TMTC4: variants seen among roughly 807,000 people sequenced by gnomAD.
The protein encoded by TMTC4 is transmembrane O-mannosyltransferase targeting cadherins 4.
Under a neutral mutation model 86.0 loss-of-function variants are expected in TMTC4, and 65 were observed. The observed-to-expected ratio is 0.76, with a 90% CI of 0.62 to 0.93. TMTC4 has a LOEUF of 0.93. Ranked by LOEUF, TMTC4 falls within the 40% of genes least tolerant of loss-of-function variation. TMTC4 has a pLI of 0.00. For synonymous variants in TMTC4, 379 were observed against 382.5 expected (o/e 0.99, Z 0.11); for missense variants, 866 against 948.1 (o/e 0.91, Z 1.14).
intron 5 of TMTC4, among the ~76,000 whole-genome samples, chr13:100,660,653 C>G (rs1885662564): frequency 7.4e-6 from 1 of 135,348 alleles, no homozygotes; most frequent in Admixed American, 7.9e-5. Context: ...GTTTTTAAAG[C>G]TGGATTTTTT....
chr13:100,608,560 C>T (rs1877031793), intron 17 of TMTC4, among the ~76,000 whole-genome samples: 1 of 152,124 alleles, frequency 6.6e-6, no homozygotes, highest in Admixed American at 6.6e-5. Context: ...CGGGGGCAGC[C>T]CCTGGGCCTG....
intron 1 of TMTC4, among the ~76,000 whole-genome samples, chr13:100,671,137 T>G (rs142266296): frequency 2.0e-4 from 30 of 152,370 alleles, no homozygotes; most frequent in Non-Finnish European, 3.2e-4. Flanking sequence ...GTTATCTGTT[T>G]TATTGTTTCA....
intron 15 of TMTC4, among the ~76,000 whole-genome samples, chr13:100,624,636 G>A (rs1880168503): frequency 6.6e-6 from 1 of 152,156 alleles, no homozygotes; most frequent in Non-Finnish European, 1.5e-5. Context: ...TAAAACGAGG[G>A]CAGCAGACAT....
At chr13:100,608,956 A>G (rs1566554897) in intron 17 of TMTC4, among the ~76,000 whole-genome samples, 1 of 152,236 alleles carries the variant, frequency 6.6e-6, no homozygotes, top group African/African-American at 2.4e-5. Context: ...TAGGCGAGGA[A>G]GCCTGGGTGG....
At chr13:100,621,956 C>G (rs111963973) in intron 15 of TMTC4, among the ~76,000 whole-genome samples, 1 of 152,118 alleles carries the variant, frequency 6.6e-6, no homozygotes, top group Non-Finnish European at 1.5e-5. Flanking sequence ...TTGAAGTCAC[C>G]ACTCGTAACA....
chr13:100,640,644 C>A (rs1349097757), intron 7 of TMTC4, among the ~76,000 whole-genome samples: 28 of 151,986 alleles, frequency 1.8e-4, no homozygotes, highest in Non-Finnish European at 1.5e-5. Context: ...CACAGGGAGA[C>A]CCCATCTCCA....
Position 100,634,974 on chromosome 13 carries a change from G to C in TMTC4, c.1375-38C>G, listed in dbSNP as rs775586762. On this transcript the variant is annotated intron_variant, in intron 11 of 18. Transcript: ENST00000342624. ...AAGACATGGTAATTGTCACCAGTGA[G>C]ATGCATCCGGTCATTCTGTTCATCA... 5 of 1,610,752 alleles carry C rather than the reference G, an allele frequency of 3.1e-6. No individual in the cohort carries two copies. In the South Asian group the frequency reaches 4.4e-5, roughly 14 times the overall value.
intron 15 of TMTC4, among the ~76,000 whole-genome samples, chr13:100,621,714 C>T (rs1016084243): frequency 3.3e-5 from 5 of 152,190 alleles, no homozygotes; most frequent in East Asian, 1.9e-4. Context: ...CGTGAGCCAC[C>T]GCGCCCAACC....
At chr13:100,658,116 C>T (rs1009347800) in intron 5 of TMTC4, among the ~76,000 whole-genome samples, 1 of 152,090 alleles carries the variant, frequency 6.6e-6, no homozygotes, top group African/African-American at 2.4e-5. Context: ...ATGCAATGAG[C>T]GCTCTGGAAT....
At chr13:100,619,174 C>T (rs1465383876) in intron 15 of TMTC4, among the ~76,000 whole-genome samples, 1 of 143,498 alleles carries the variant, frequency 7.0e-6, no homozygotes, top group Non-Finnish European at 1.5e-5. Context: ...GGGGGCTGAC[C>T]CCCCCACCTC....
chr13:100,635,192 G>T lies in TMTC4; in HGVS notation c.1206C>A (p.Ile402=). ...LCSEDGHKRR[I]LTLGLGFLVI... is the part of the protein sequence containing the mutation. Reference sequence around the variant, plus strand: ...CGAGAAATCCCAGGCCCAGAGTAAGGATCCTGGATGATGAAAAGTATTTAA... The same window carrying T: ...CGAGAAATCCCAGGCCCAGAGTAAGTATCCTGGATGATGAAAAGTATTTAA... Residue 402 remains isoleucine, a synonymous_variant, in exon 11 of 19, where the codon ATC becomes ATA. Coordinates refer to ENST00000342624, the MANE Select transcript of TMTC4 (RefSeq NM_032813.5). 1 of 1,580,120 alleles carries T rather than the reference G, an allele frequency of 6.3e-7. No homozygotes were observed. Among genetic ancestry groups the T allele is most frequent in the Admixed American group, 1.9e-5 (1 of 51,582 alleles).
In TMTC4 at chr13:100,664,201, C is replaced by A; in HGVS notation, c.335+20G>T. 6.3e-7 allele frequency: 1 copy of A among 1,589,948 alleles called. No homozygotes were observed. Among genetic ancestry groups the A allele is most frequent in the African/African-American group, 1.3e-5 (1 of 74,264 alleles). The stretch of plus-strand genomic sequence containing the variant: ...CAAGCTGGGAGGGACCTTCCCAGGC[C>A]CTTCAATGTCACAGCTTACCTGAAA... On this transcript the variant is annotated intron_variant, in intron 4 of 18. Transcript: ENST00000342624.
intron 16 of TMTC4, among the ~76,000 whole-genome samples, chr13:100,613,559 C>T (rs1203869066): frequency 6.6e-6 from 1 of 152,104 alleles, no homozygotes; most frequent in East Asian, 1.9e-4. Context: ...CTAGTACTAT[C>T]CATGTCATTA....
In TMTC4 at chr13:100,642,348, G is replaced by A. The variant is rs368915568; in HGVS notation, c.641-37C>T. 4.4e-6 allele frequency: 7 copies of A among 1,607,604 alleles called. No homozygotes were observed. In the Admixed American group the frequency reaches 5.1e-5, roughly 12 times the overall value. ...GAGAAATGATCAGTGCAAAAGTCATGGAATGCAGCTCAGTTTTTTAGCATC... is the reference window on the plus strand; with the variant it reads ...GAGAAATGATCAGTGCAAAAGTCATAGAATGCAGCTCAGTTTTTTAGCATC... On this transcript the variant is annotated intron_variant, in intron 6 of 18. Coordinates refer to ENST00000342624, the MANE Select transcript of TMTC4 (RefSeq NM_032813.5).
In TMTC4 at chr13:100,636,618, C is replaced by T. The variant is rs1376169092; in HGVS notation, c.1116G>A (p.Trp372Ter). The T allele has an allele frequency of 6.2e-7, 1 of 1,614,234 alleles. No homozygotes were observed. The highest frequency in any genetic ancestry group is 1.7e-5 in the Admixed American group (1 of 60,018). The change falls in exon 10 of 19, where the codon TGG (tryptophan) becomes TGA (stop). Residue 372 changes from tryptophan (W) to a stop codon, truncating the protein, a stop_gained. Coordinates refer to ENST00000342624, the MANE Select transcript of TMTC4 (RefSeq NM_032813.5). LOFTEE classifies it high-confidence loss of function. ...AGAGTGCTGCAAGTGCAATTACCCT[C>T]CAGTCGCTGATGGACTTAATGAGGG... is the stretch of plus-strand genomic sequence containing the variant. ...CIPLIKSISD[W>*]RVIALAALWF...
At chr13:100,674,854 G>T (rs1160882820), upstream of TMTC4, 11 of 969,936 alleles carry the variant, frequency 1.1e-5, no homozygotes, top group Non-Finnish European at 1.3e-5. Flanking sequence ...CCGCGCACCC[G>T]ACCCCCCCCG....
chr13:100,626,165 T>C lies in TMTC4; in HGVS notation c.1507-15A>G, dbSNP rs767565692. 2 of 1,613,762 alleles carry C rather than the reference T, an allele frequency of 1.2e-6. No individual in the cohort carries two copies. Among genetic ancestry groups the C allele is most frequent in the Non-Finnish European group, 1.7e-6 (2 of 1,179,720 alleles). On this transcript the variant is annotated splice_polypyrimidine_tract_variant and intron_variant, in intron 12 of 18. Coordinates refer to ENST00000342624, the MANE Select transcript of TMTC4 (RefSeq NM_032813.5). ...TTGTAGTGAACCTGCAGACAGAGAATAATTGGGCCATCAGCAGACAGACTT... is the reference window on the plus strand; with the variant it reads ...TTGTAGTGAACCTGCAGACAGAGAACAATTGGGCCATCAGCAGACAGACTT...
chr13:100,612,923 A>G (rs1007578175), intron 16 of TMTC4, among the ~76,000 whole-genome samples: 2 of 152,162 alleles, frequency 1.3e-5, no homozygotes, highest in African/African-American at 4.8e-5. Flanking sequence ...AAACAACCAT[A>G]TATCTCTGCT....
intron 1 of TMTC4, among the ~76,000 whole-genome samples, chr13:100,673,553 C>G (rs1887406134): frequency 6.6e-6 from 1 of 152,234 alleles, no homozygotes; most frequent in South Asian, 2.1e-4. Context: ...TGATCAGACC[C>G]TGGGCCCCTC....
Sources: allele counts gnomAD v4.1 joint callset (sites outside exome capture counted in the v4.1 genomes callset), GRCh38; gene constraint gnomAD v4.1.1; transcripts MANE v1.5; gene names NCBI Gene and HGNC (gene_info 2026-07-23, HGNC 2026-07-21).